The following DCLK2 variants were observed in gnomAD, a reference collection of about 807,000 sequenced individuals.
The protein encoded by DCLK2 is doublecortin like kinase 2, also known as serine/threonine-protein kinase DCLK2.
DCLK2 carries 31 observed loss-of-function variants against 78.4 expected under a neutral mutation model. The ratio of observed to expected loss-of-function variants is 0.40; its 90% CI spans 0.30 to 0.53. DCLK2 has a LOEUF of 0.53. Among genes scored for constraint, DCLK2 ranks in the 20% least tolerant of loss-of-function variants. The pLI is 0.61. For missense variants in DCLK2, 872 were observed against 973.7 expected, an observed-to-expected ratio of 0.90 and a Z score of 1.39; for synonymous variants, 407 against 374.9, an observed-to-expected ratio of 1.09 and a Z score of -0.99.
At position 150,202,481 on chromosome 4, in the gene DCLK2, T is replaced by C. The variant is rs193130858; in HGVS notation, c.962-1314T>C. On this transcript the variant is annotated intron_variant, in intron 4 of 15. Transcript: ENST00000296550. Reference sequence around the variant, plus strand: ...AAATGAGCAATACAATAAATATGACTTCATAAACGCAGATATTCCTGTTTA... The same window carrying C: ...AAATGAGCAATACAATAAATATGACCTCATAAACGCAGATATTCCTGTTTA... Among the ~76,000 whole-genome samples, 387 of 152,320 alleles carry C rather than the reference T, an allele frequency of 2.5e-3. 3 individuals carry two copies. The highest frequency in any genetic ancestry group is 8.7e-3 in the African/African-American group (363 of 41,564).
intron 2 of DCLK2, among the ~76,000 whole-genome samples, chr4:150,139,065 G>T (rs1733924144): frequency 2.0e-5 from 3 of 151,792 alleles, no homozygotes; most frequent in Admixed American, 2.0e-4. Context: ...GGAGATGAGG[G>T]TCTCACTATG....
At chr4:150,246,109 A>C (rs1743287557) in intron 12 of DCLK2, among the ~76,000 whole-genome samples, 1 of 150,268 alleles carries the variant, frequency 6.7e-6, no homozygotes, top group African/African-American at 2.5e-5. Context: ...CAGTGGTGCG[A>C]TCTCAGCTCA....
At chr4:150,190,235 T>TGGA (rs1560850690) in intron 2 of DCLK2, among the ~76,000 whole-genome samples, 10,229 of 115,466 alleles carry the variant, frequency 0.089, 519 homozygotes, top group Middle Eastern at 0.12. Flanking sequence ...AGATGGATAG[T>TGGA]TAGATAGATA....
chr4:150,142,018 T>C (rs1734144233), intron 2 of DCLK2, among the ~76,000 whole-genome samples: 1 of 152,240 alleles, frequency 6.6e-6, no homozygotes, highest in Admixed American at 6.5e-5. Context: ...AATGAAATCA[T>C]ACTATATTAA....
At chr4:150,113,456 G>C (rs35939331) in intron 2 of DCLK2, among the ~76,000 whole-genome samples, 79 of 151,572 alleles carry the variant, frequency 5.2e-4, no homozygotes, top group Non-Finnish European at 1.1e-3. Context: ...AGGGTTTTCT[G>C]TTTCTTTCTG....
At chr4:150,169,025 T>A (rs1216337518) in intron 2 of DCLK2, among the ~76,000 whole-genome samples, 1 of 151,768 alleles carries the variant, frequency 6.6e-6, no homozygotes, top group Non-Finnish European at 1.5e-5. Flanking sequence ...CCCACTACCA[T>A]TGGAAGCCAA....
intron 4 of DCLK2, among the ~76,000 whole-genome samples, chr4:150,203,100 A>G (rs1473193078): frequency 1.3e-5 from 2 of 152,228 alleles, no homozygotes; most frequent in African/African-American, 4.8e-5. Context: ...CAACCAAAGA[A>G]GCGTATGGAG....
chr4:150,111,579 C>G (rs1473307235), intron 2 of DCLK2, among the ~76,000 whole-genome samples: 2 of 150,240 alleles, frequency 1.3e-5, no homozygotes, highest in Non-Finnish European at 3.0e-5. Flanking sequence ...GAGCTTTTCC[C>G]TAGGTTTCCT....
chr4:150,254,973 C>T lies in DCLK2; in HGVS notation c.2074-1047C>T, dbSNP rs116089375. ...GATTACAGGTGTGAGCCACTGCACC[C>T]GGCCAGAAATGGATGACTGTTCAGC... On this transcript the variant is annotated intron_variant, in intron 15 of 15. Coordinates refer to ENST00000296550, the MANE Select transcript of DCLK2 (RefSeq NM_001040260.4). Among the ~76,000 whole-genome samples, 379 of 152,276 alleles carry T rather than the reference C, an allele frequency of 2.5e-3. 1 individual carries two copies. Among genetic ancestry groups the T allele is most frequent in the African/African-American group, 8.7e-3 (360 of 41,552 alleles).
At chr4:150,145,633 A>T (rs1734417063) in intron 2 of DCLK2, among the ~76,000 whole-genome samples, 1 of 152,218 alleles carries the variant, frequency 6.6e-6, no homozygotes, top group South Asian at 2.1e-4. Flanking sequence ...CAGTCATTGC[A>T]TTAGGTGGTT....
intron 2 of DCLK2, among the ~76,000 whole-genome samples, chr4:150,185,333 C>T (rs1045968352): frequency 6.6e-5 from 10 of 152,212 alleles, no homozygotes; most frequent in Non-Finnish European, 1.5e-4. Flanking sequence ...GAGGTTTCTC[C>T]TCCAACGCGT....
intron 15 of DCLK2, among the ~76,000 whole-genome samples, chr4:150,253,070 G>GTCCTCCTCGTCCTCCTCA (rs944311808): frequency 1.2e-4 from 18 of 149,924 alleles, no homozygotes; most frequent in East Asian, 4.0e-4. Flanking sequence ...CTGCTGTATT[G>GTCCTCCTCGTCCTCCTCA]TCCTCCTCGT....
chr4:150,174,390 A>C (rs1406096162), intron 2 of DCLK2, among the ~76,000 whole-genome samples: 2 of 152,136 alleles, frequency 1.3e-5, no homozygotes, highest in Non-Finnish European at 2.9e-5. Context: ...TTCTTGTTTT[A>C]TATAATAGTC....
intron 5 of DCLK2, among the ~76,000 whole-genome samples, chr4:150,211,895 T>C (rs1175826179): frequency 1.3e-5 from 2 of 152,332 alleles, no homozygotes; most frequent in South Asian, 4.1e-4. Flanking sequence ...GAATATTTGC[T>C]ATGCTTAAAT....
At chr4:150,172,127 T>C (rs977136444) in intron 2 of DCLK2, among the ~76,000 whole-genome samples, 3 of 152,200 alleles carry the variant, frequency 2.0e-5, no homozygotes, top group Admixed American at 6.5e-5. Context: ...AGTAACATAG[T>C]TTGTTCTGAG....
intron 5 of DCLK2, among the ~76,000 whole-genome samples, chr4:150,220,203 C>T (rs1339834855): frequency 2.6e-5 from 4 of 152,030 alleles, no homozygotes; most frequent in Non-Finnish European, 4.4e-5. Context: ...AGAGTGCTGT[C>T]GATTTGGAGT....
At chr4:150,091,040 C>T (rs1730022721) in intron 1 of DCLK2, among the ~76,000 whole-genome samples, 1 of 152,206 alleles carries the variant, frequency 6.6e-6, no homozygotes, top group African/African-American at 2.4e-5. Context: ...TTTAAGTTTA[C>T]ATTCTGTGCG....
intron 2 of DCLK2, among the ~76,000 whole-genome samples, chr4:150,163,635 A>G (rs1735865594): frequency 6.6e-6 from 1 of 152,182 alleles, no homozygotes; most frequent in Non-Finnish European, 1.5e-5. Flanking sequence ...ATAAGATACT[A>G]TCTAGAAAAT....
rs1743207233 is a variant in DCLK2 at position 150,245,138 on chromosome 4, TG to T, written c.1779-2464del. Among the ~76,000 whole-genome samples, 3 of 152,242 alleles carry T rather than the reference TG, an allele frequency of 2.0e-5. No individual in the cohort carries two copies. In the South Asian group the frequency reaches 6.2e-4, roughly 32 times the overall value. On this transcript the variant is annotated intron_variant, in intron 12 of 15. Coordinates refer to ENST00000296550, the MANE Select transcript of DCLK2 (RefSeq NM_001040260.4). Reference sequence around the variant, plus strand: ...TCTTAGATGTATTCTGTACTCACTTTGAAGGAGCAGTAAGCTGAGTTCACTC... The same window carrying T: ...TCTTAGATGTATTCTGTACTCACTTTAAGGAGCAGTAAGCTGAGTTCACTC...
Sources: gnomAD v4.1 joint callset for allele counts (sites outside exome capture counted in the v4.1 genomes callset) on GRCh38, gnomAD v4.1.1 for gene constraint, MANE v1.5 for transcripts, NCBI Gene and HGNC (gene_info 2026-07-23, HGNC 2026-07-21) for gene names.